The following GUCY1A2 variants were observed in gnomAD, a reference collection of about 807,000 sequenced individuals.
GUCY1A2 encodes guanylate cyclase 1 soluble subunit alpha 2.
GUCY1A2 carries 27 observed loss-of-function variants against 63.5 expected under a neutral mutation model. The observed-to-expected ratio is 0.43, with a 90% CI of 0.31 to 0.59. The LOEUF (loss-of-function observed/expected upper bound fraction) is 0.59, where lower values mean the gene tolerates loss of function less well. GUCY1A2 is among the 20% of genes least tolerant of loss of function. The probability of loss-of-function intolerance (pLI) is 0.11; values close to 1 mark genes in which losing one functional copy is unlikely to be tolerated. For missense variants in GUCY1A2, 768 were observed against 913.3 expected (o/e 0.84, Z 2.05); for synonymous variants, 364 against 343.5 (o/e 1.06, Z -0.66).
At chr11:106,899,900 T>G (rs1212625828) in intron 4 of GUCY1A2, among the ~76,000 whole-genome samples, 1 of 151,808 alleles carries the variant, frequency 6.6e-6, no homozygotes, top group Non-Finnish European at 1.5e-5. Context: ...CTGGCTAACA[T>G]GGTGAAATCC....
chr11:106,849,945 G>T (rs1859329292), intron 4 of GUCY1A2, among the ~76,000 whole-genome samples: 2 of 151,630 alleles, frequency 1.3e-5, no homozygotes, highest in Admixed American at 1.3e-4. Flanking sequence ...GGATTTTACA[G>T]ACGATTCAGA....
intron 4 of GUCY1A2, among the ~76,000 whole-genome samples, chr11:106,874,387 T>C (rs1366436985): frequency 2.6e-5 from 4 of 152,302 alleles, no homozygotes; most frequent in Non-Finnish European, 4.4e-5. Flanking sequence ...AGTAGTCTGA[T>C]AATAATTAAA....
intron 4 of GUCY1A2, among the ~76,000 whole-genome samples, chr11:106,848,355 T>A (rs1318563990): frequency 1.3e-5 from 2 of 151,646 alleles, no homozygotes; most frequent in Non-Finnish European, 3.0e-5. Flanking sequence ...GCTAAAGATG[T>A]ACTCCCTTTA....
chr11:106,850,217 T>C (rs1478904863), intron 4 of GUCY1A2, among the ~76,000 whole-genome samples: 2 of 151,790 alleles, frequency 1.3e-5, no homozygotes, highest in Non-Finnish European at 3.0e-5. Context: ...TCCCTTTTTC[T>C]AGTTGATATT....
rs1862427500 is a variant in GUCY1A2 at position 106,681,242 on chromosome 11, A to C, written c.*6307T>G. 1 of 219,830 alleles carries C rather than the reference A, an allele frequency of 4.5e-6. No individual in the cohort carries two copies. The highest frequency in any genetic ancestry group is 9.1e-6 in the Non-Finnish European group (1 of 109,572). 13.6% of individuals were successfully genotyped at this position (219,830 alleles called of 1,614,324 possible). On this transcript the variant is annotated 3_prime_UTR_variant, in exon 8 of 8. Coordinates refer to ENST00000526355, the MANE Select transcript of GUCY1A2 (RefSeq NM_000855.3). The stretch of plus-strand genomic sequence containing the variant: ...ATACTTACCAAAAACTTGTGTAGCT[A>C]TCATTGAAAACAGTAATAATGAGCT...
chr11:107,018,200 C>T lies in GUCY1A2; in HGVS notation c.-145G>A. On this transcript the variant is annotated 5_prime_UTR_variant, in exon 1 of 8. Transcript: ENST00000526355. ...CGGTCGCGCCCGGCGGGGCGGGAGT[C>T]CCCGGGGCCGCGGAGCCCCCCGAGC... 3 of 263,998 alleles carry T rather than the reference C, an allele frequency of 1.1e-5. No homozygotes were observed. Among genetic ancestry groups the T allele is most frequent in the Non-Finnish European group, 2.0e-5 (3 of 150,548 alleles). 16.4% of individuals were successfully genotyped at this position (263,998 alleles called of 1,614,324 possible).
At chr11:106,964,946 C>G (rs1053044046) in intron 3 of GUCY1A2, among the ~76,000 whole-genome samples, 1 of 152,136 alleles carries the variant, frequency 6.6e-6, no homozygotes, top group African/African-American at 2.4e-5. Flanking sequence ...CACCACTGCA[C>G]TGTAGCCTGG....
intron 6 of GUCY1A2, among the ~76,000 whole-genome samples, chr11:106,748,176 C>A (rs144124753): frequency 6.6e-6 from 1 of 152,248 alleles, no homozygotes; most frequent in African/African-American, 2.4e-5. Context: ...ATAAAAATTA[C>A]AGGTAATTTT....
intron 3 of GUCY1A2, among the ~76,000 whole-genome samples, chr11:106,941,345 T>TC (rs967063449): frequency 4.0e-5 from 6 of 151,522 alleles, no homozygotes; most frequent in African/African-American, 1.2e-4. Flanking sequence ...GATCACAAGA[T>TC]CCCCCCCTTG....
intron 4 of GUCY1A2, among the ~76,000 whole-genome samples, chr11:106,825,297 G>A (rs2135432901): frequency 6.6e-6 from 1 of 151,754 alleles, no homozygotes; most frequent in Non-Finnish European, 1.5e-5. Context: ...CTTTTTGAAA[G>A]CAATATTATA....
intron 6 of GUCY1A2, among the ~76,000 whole-genome samples, chr11:106,714,838 A>G (rs1863187672): frequency 6.6e-6 from 1 of 152,170 alleles, no homozygotes; most frequent in African/African-American, 2.4e-5. Context: ...CCAGCCCCAA[A>G]TATCAACAGT....
chr11:106,943,150 G>A (rs1860773144), intron 3 of GUCY1A2, among the ~76,000 whole-genome samples: 4 of 152,082 alleles, frequency 2.6e-5, no homozygotes, highest in Admixed American at 2.6e-4. Context: ...CAAGTCAATA[G>A]CCAAGACTTT....
intron 4 of GUCY1A2, among the ~76,000 whole-genome samples, chr11:106,885,417 C>G (rs905603237): frequency 5.9e-5 from 9 of 152,112 alleles, no homozygotes; most frequent in Non-Finnish European, 8.8e-5. Context: ...CTGACCATGG[C>G]CAAGATACCA....
chr11:106,845,295 T>A (rs1317686514), intron 4 of GUCY1A2, among the ~76,000 whole-genome samples: 22 of 149,130 alleles, frequency 1.5e-4, no homozygotes, highest in African/African-American at 4.2e-4. Flanking sequence ...AAAAAAAAAA[T>A]GCTCCATTTT....
In GUCY1A2 at chr11:107,018,160, G is replaced by A. The variant is rs1269343649; in HGVS notation, c.-105C>T. On this transcript the variant is annotated 5_prime_UTR_variant, in exon 1 of 8. Coordinates refer to ENST00000526355, the MANE Select transcript of GUCY1A2 (RefSeq NM_000855.3). ...CAAGCGACAACGTTAAGCGCGTCGG[G>A]GCCGCGGGGCGCTGCGGTCGCGCCC... 2 of 584,568 alleles carry A rather than the reference G, an allele frequency of 3.4e-6. No individual in the cohort carries two copies. The highest frequency in any genetic ancestry group is 4.8e-6 in the Non-Finnish European group (2 of 415,796). 36.2% of individuals were successfully genotyped at this position (584,568 alleles called of 1,614,324 possible).
chr11:106,872,156 A>G (rs1039571010), intron 4 of GUCY1A2, among the ~76,000 whole-genome samples: 2 of 152,210 alleles, frequency 1.3e-5, no homozygotes, highest in Non-Finnish European at 2.9e-5. Flanking sequence ...ATTAACTATA[A>G]TTAAATTGAA....
At chr11:107,017,373 G>A (rs1415810427) in intron 1 of GUCY1A2, among the ~76,000 whole-genome samples, 1 of 152,178 alleles carries the variant, frequency 6.6e-6, no homozygotes, top group African/African-American at 2.4e-5. Flanking sequence ...ATGAAAGACA[G>A]GGAAGCTGAA....
At chr11:106,971,192 A>G (rs1466292384) in intron 3 of GUCY1A2, among the ~76,000 whole-genome samples, 1 of 149,076 alleles carries the variant, frequency 6.7e-6, no homozygotes, top group African/African-American at 2.5e-5. Flanking sequence ...ACAGCAGAAG[A>G]GCTAAACTTA....
intron 1 of GUCY1A2, among the ~76,000 whole-genome samples, chr11:106,986,779 C>G (rs1458146120): frequency 6.6e-6 from 1 of 152,084 alleles, no homozygotes; most frequent in Non-Finnish European, 1.5e-5. Flanking sequence ...CCTCCATGTC[C>G]CAAGAGAATT....
Sources: allele counts gnomAD v4.1 joint callset (sites outside exome capture counted in the v4.1 genomes callset), GRCh38; gene constraint gnomAD v4.1.1; transcripts MANE v1.5; gene names NCBI Gene and HGNC (gene_info 2026-07-23, HGNC 2026-07-21).